The following PAH variants were observed in gnomAD, a reference collection of about 807,000 sequenced individuals.
The protein encoded by PAH is phenylalanine-4-hydroxylase.
In PAH, 64 loss-of-function variants were observed where a neutral mutation model predicts 62.0. That is an observed-to-expected ratio of 1.03 (90% confidence interval 0.84 to 1.27). PAH has a LOEUF of 1.27. Ranked by LOEUF, PAH falls within the 50% of genes most tolerant of loss-of-function variation. The probability of loss-of-function intolerance (pLI) is 0.00; values close to 1 mark genes in which losing one functional copy is unlikely to be tolerated. For missense variants in PAH, 579 were observed against 542.8 expected (o/e 1.07, Z -0.66); for synonymous variants, 195 against 196.2 (o/e 0.99, Z 0.05).
At chr12:102,890,804 C>T (rs539818966) in intron 3 of PAH, among the ~76,000 whole-genome samples, 7 of 152,146 alleles carry the variant, frequency 4.6e-5, no homozygotes, top group East Asian at 1.9e-4. Flanking sequence ...CTTTTTAGGC[C>T]GGGCACTGTG....
intron 3 of PAH, among the ~76,000 whole-genome samples, chr12:102,892,606 AC>A (rs1485562455): frequency 6.6e-6 from 1 of 152,258 alleles, no homozygotes. Context: ...TTATTCAGGA[AC>A]AAAAAGAAAT....
intron 4 of PAH, among the ~76,000 whole-genome samples, chr12:102,875,101 C>T (rs1876508027): frequency 6.6e-6 from 1 of 152,192 alleles, no homozygotes; most frequent in Admixed American, 6.5e-5. Context: ...CCTTGGCCCA[C>T]GTCCCTGGGA....
chr12:102,941,635 A>C (rs901349945), intron 1 of PAH, among the ~76,000 whole-genome samples: 2 of 152,162 alleles, frequency 1.3e-5, no homozygotes, highest in African/African-American at 4.8e-5. Context: ...TGCACCCCAC[A>C]CTGGAACACC....
intron 2 of PAH, among the ~76,000 whole-genome samples, chr12:102,911,483 C>A (rs1294891598): frequency 6.6e-6 from 1 of 152,118 alleles, no homozygotes; most frequent in East Asian, 1.9e-4. Context: ...ATTTACCTAA[C>A]CCCTCTAAGC....
intron 3 of PAH, among the ~76,000 whole-genome samples, chr12:102,880,940 C>T (rs1876788435): frequency 6.6e-6 from 1 of 150,692 alleles, no homozygotes; most frequent in Non-Finnish European, 1.5e-5. Context: ...TATAAAATTA[C>T]AATTGCATAA....
intron 1 of PAH, chr12:102,958,130 C>G: frequency 1.4e-6 from 1 of 727,066 alleles, no homozygotes; most frequent in Non-Finnish European, 2.0e-6. Flanking sequence ...CTTCATATTT[C>G]CTTTTCTTTC....
At position 102,925,595 on chromosome 12, in the gene PAH, C is replaced by G. The variant is rs564922731; in HGVS notation, c.-95-8370G>C. On this transcript the variant is annotated intron_variant, in intron 1 of 3. Coordinates refer to the PAH transcript ENST00000546844. The stretch of plus-strand genomic sequence containing the variant: ...CAGACTTCAGAGAAAAATGCAACGT[C>G]TCATTGCAGACACAAAGGAGACTTC... Among the ~76,000 whole-genome samples, 5 of 152,244 alleles carry G rather than the reference C, an allele frequency of 3.3e-5. No individual in the cohort carries two copies. The South Asian group carries it at 1.0e-3, about 32-fold the overall frequency.
intron 7 of PAH, chr12:102,852,310 G>A: frequency 5.1e-6 from 1 of 195,934 alleles, no homozygotes. Flanking sequence ...TATGGGCAAG[G>A]AAAAACAATT....
At chr12:102,854,580 C>G (rs1875323832) in intron 6 of PAH, 1 of 195,364 alleles carries the variant, frequency 5.1e-6, no homozygotes, top group Non-Finnish European at 1.0e-5. Flanking sequence ...TATGCAGCAC[C>G]TTACTTCATT....
intron 1 of PAH, among the ~76,000 whole-genome samples, chr12:102,936,675 A>G (rs553426477): frequency 6.6e-6 from 1 of 152,252 alleles, no homozygotes; most frequent in South Asian, 2.1e-4. Flanking sequence ...CTGGAAATAT[A>G]TTTTGTCTAA....
intron 3 of PAH, 107 bp downstream of exon 3, chr12:102,894,628 A>C: frequency 1.2e-6 from 1 of 851,094 alleles, no homozygotes; most frequent in East Asian, 2.7e-5. Context: ...ACAGCAATAT[A>C]TATTAAATAT....
upstream of PAH, chr12:102,917,345 G>T (rs1878427264): frequency 3.3e-6 from 2 of 600,934 alleles, no homozygotes; most frequent in Non-Finnish European, 6.1e-6. Flanking sequence ...GATGCTCCAG[G>T]TCACCTGCCC....
chr12:102,885,290 CG>C (rs1565862654), intron 3 of PAH, among the ~76,000 whole-genome samples: 1 of 152,202 alleles, frequency 6.6e-6, no homozygotes, highest in African/African-American at 2.4e-5. Context: ...TCCCCCTACC[CG>C]GTCTCTCTCA....
intron 4 of PAH, among the ~76,000 whole-genome samples, chr12:102,868,133 T>C (rs186773254): frequency 0.023 from 74 of 3,208 alleles, 11 homozygotes; most frequent in African/African-American, 0.2. Flanking sequence ...TGTGTATATA[T>C]ATATATATAT....
chr12:102,948,486 C>A (rs1482331535), intron 1 of PAH, among the ~76,000 whole-genome samples: 1 of 152,124 alleles, frequency 6.6e-6, no homozygotes, highest in Non-Finnish European at 1.5e-5. Context: ...GGCTCCGGGG[C>A]TGGGTAGGTT....
intron 2 of PAH, among the ~76,000 whole-genome samples, chr12:102,907,887 G>A (rs1878040471): frequency 6.6e-6 from 1 of 152,054 alleles, no homozygotes; most frequent in African/African-American, 2.4e-5. Flanking sequence ...CAAAGTGCTG[G>A]GACTACAGGT....
At chr12:102,840,120 G>T (rs1319236240) in intron 12 of PAH, among the ~76,000 whole-genome samples, 1 of 152,096 alleles carries the variant, frequency 6.6e-6, no homozygotes, top group Non-Finnish European at 1.5e-5. Flanking sequence ...AGGCGAGGGA[G>T]AAAAAGGAAC....
chr12:102,904,593 T>A (rs1851381), intron 2 of PAH: 12,716 of 237,348 alleles, frequency 0.054, 425 homozygotes, highest in Admixed American at 0.1. Context: ...ATACCTACTA[T>A]CATACAGATT....
chr12:102,894,307 T>G (rs376491238), intron 3 of PAH, among the ~76,000 whole-genome samples: 4 of 151,574 alleles, frequency 2.6e-5, no homozygotes, highest in Admixed American at 6.6e-5. Flanking sequence ...TATACCAAAT[T>G]CCCATGACAC....
Sources: allele counts gnomAD v4.1 joint callset (sites outside exome capture counted in the v4.1 genomes callset), GRCh38; gene constraint gnomAD v4.1.1; transcripts MANE v1.5; gene names NCBI Gene and HGNC (gene_info 2026-07-23, HGNC 2026-07-21).